NVL: variants seen among roughly 807,000 people sequenced by gnomAD.
NVL encodes the protein nuclear VCP like.
NVL carries 84 observed loss-of-function variants against 110.2 expected under a neutral mutation model. The ratio of observed to expected loss-of-function variants is 0.76; its 90% CI spans 0.64 to 0.91. NVL has a LOEUF of 0.91. NVL is among the 40% of genes least tolerant of loss of function. NVL has a pLI of 0.00. For missense variants in NVL, 882 were observed against 1,035.9 expected (o/e 0.85, Z 2.04); for synonymous variants, 354 against 361.1 (o/e 0.98, Z 0.22).
intron 18 of NVL, among the ~76,000 whole-genome samples, chr1:224,261,460 A>C (rs1433851777): frequency 6.6e-6 from 1 of 152,220 alleles, no homozygotes; most frequent in African/African-American, 2.4e-5. Flanking sequence ...AAACAGCTAG[A>C]TAATAGATTA....
chr1:224,262,142 G>T (rs1185843971), intron 18 of NVL, among the ~76,000 whole-genome samples: 1 of 151,998 alleles, frequency 6.6e-6, no homozygotes, highest in Non-Finnish European at 1.5e-5. Flanking sequence ...ACATTTAGGA[G>T]ATCAGTCCAG....
At chr1:224,322,273 A>G (rs1253972742) in intron 2 of NVL, among the ~76,000 whole-genome samples, 2 of 146,476 alleles carry the variant, frequency 1.4e-5, no homozygotes, top group Non-Finnish European at 3.0e-5. Flanking sequence ...TGGTAGAGAC[A>G]GAATCTTGCT....
At chr1:224,269,084 C>CTT (rs34790130) in intron 17 of NVL, among the ~76,000 whole-genome samples, 12 of 97,932 alleles carry the variant, frequency 1.2e-4, no homozygotes, top group African/African-American at 4.5e-4. Flanking sequence ...GTGAGACTAA[C>CTT]TTTTTTTTTT....
intron 19 of NVL, among the ~76,000 whole-genome samples, chr1:224,245,074 G>A (rs769958127): frequency 6.4e-4 from 98 of 152,108 alleles, no homozygotes; most frequent in Middle Eastern, 3.2e-3. Flanking sequence ...TTAAGAACAG[G>A]ACTAAAGATC....
intron 19 of NVL, among the ~76,000 whole-genome samples, chr1:224,241,870 T>A (rs34251261): frequency 4.1e-5 from 6 of 146,794 alleles, no homozygotes; most frequent in African/African-American, 1.5e-4. Flanking sequence ...AAAAAAAAAA[T>A]AAAAAGAAAA....
chr1:224,262,329 G>A (rs562253019), intron 18 of NVL, among the ~76,000 whole-genome samples: 1 of 152,122 alleles, frequency 6.6e-6, no homozygotes, highest in South Asian at 2.1e-4. Flanking sequence ...ATCAAAATTA[G>A]GGTGGAATAA....
intron 1 of NVL, among the ~76,000 whole-genome samples, chr1:224,328,820 AT>A (rs1671403873): frequency 6.6e-6 from 1 of 152,192 alleles, no homozygotes; most frequent in South Asian, 2.1e-4. Flanking sequence ...CCACTTGGCC[AT>A]TTTAATTTGG....
Position 224,276,938 on chromosome 1 carries a change from CATAAA to C in NVL, c.1963-1485_1963-1481del, listed in dbSNP as rs536802529. On this transcript the variant is annotated intron_variant, in intron 16 of 22. Transcript: ENST00000281701. ...GACACATAAAACTAGTTTTATGACA[CATAAA>C]ACTAGTTTTATGACACATAAAACTA... is the stretch of plus-strand genomic sequence containing the variant. Among the ~76,000 whole-genome samples, 130 of 39,856 alleles carry C rather than the reference CATAAA, an allele frequency of 3.3e-3. 1 individual carries two copies. The highest frequency in any genetic ancestry group is 3.7e-3 in the Admixed American group (16 of 4,382). 26.1% of individuals were successfully genotyped at this position (39,856 alleles called of 152,430 possible).
intron 20 of NVL, among the ~76,000 whole-genome samples, chr1:224,235,547 C>T (rs1228594489): frequency 6.6e-6 from 1 of 151,870 alleles, no homozygotes; most frequent in African/African-American, 2.4e-5. Flanking sequence ...GAGGTAGAGG[C>T]ATTTACATCT....
In NVL at chr1:224,330,128, C is replaced by T; in HGVS notation, c.-1G>A. On this transcript the variant is annotated 5_prime_UTR_variant, in exon 1 of 23. Transcript: ENST00000281701. ...CGAACCCTGCAGGTCTGGGCTTCAT[C>T]GCGTCGGTCTTCCAAGCCACAGCTC... The T allele has an allele frequency of 6.2e-7, 1 of 1,614,022 alleles. No homozygotes were observed. The highest frequency in any genetic ancestry group is 8.5e-7 in the Non-Finnish European group (1 of 1,179,918).
chr1:224,305,017 C>T lies in NVL; in HGVS notation c.748+17G>A, dbSNP rs745937971. On this transcript the variant is annotated intron_variant, in intron 7 of 22. Coordinates refer to ENST00000281701, the MANE Select transcript of NVL (RefSeq NM_002533.4). The stretch of plus-strand genomic sequence containing the variant: ...CTGCAAACATGACCACTGCCACCAA[C>T]AAGACTCACACCTTACCTTTCTTTT... The T allele has an allele frequency of 5.6e-6, 9 of 1,610,724 alleles. No individual in the cohort carries two copies. In the African/African-American group the frequency reaches 1.1e-4, roughly 19 times the overall value.
chr1:224,291,508 C>A (rs1667374968), intron 12 of NVL, among the ~76,000 whole-genome samples: 1 of 152,078 alleles, frequency 6.6e-6, no homozygotes, highest in South Asian at 2.1e-4. Flanking sequence ...CATTTGGGAT[C>A]ATATAAGTGA....
rs147934124 is a variant in NVL at position 224,270,490 on chromosome 1, G to A, written c.2083-2357C>T. Among the ~76,000 whole-genome samples, 201 of 152,222 alleles carry A rather than the reference G, an allele frequency of 1.3e-3. 4 individuals are homozygous for A. In the East Asian group the frequency reaches 0.031, roughly 24 times the overall value. On this transcript the variant is annotated intron_variant, in intron 17 of 22. Transcript: ENST00000281701. ...GAAGAATTGCTTGAACCCGGGAGGC[G>A]GAGGCTGCAGTAAGCCAAGATTGCA...
intron 5 of NVL, among the ~76,000 whole-genome samples, chr1:224,311,119 G>A (rs1669478334): frequency 6.6e-6 from 1 of 151,966 alleles, no homozygotes; most frequent in Admixed American, 6.6e-5. Context: ...GTGCAGTAGT[G>A]CAATCCCAGC....
intron 17 of NVL, among the ~76,000 whole-genome samples, chr1:224,274,058 A>ACACACACACACACACACACACACACC (rs569757319): frequency 6.6e-6 from 1 of 151,454 alleles, no homozygotes; most frequent in African/African-American, 2.4e-5. Flanking sequence ...ACACACACAC[A>ACACACACACACACACACACACACACC]CCCATATTGA....
At chr1:224,303,220 A>C (rs1297046862) in intron 9 of NVL, among the ~76,000 whole-genome samples, 1 of 152,116 alleles carries the variant, frequency 6.6e-6, no homozygotes, top group Non-Finnish European at 1.5e-5. Context: ...GGACTGCCTG[A>C]CCTCAGGAGC....
chr1:224,326,613 ATAAT>A (rs1296052220), intron 1 of NVL, 149 bp from the exon 2 acceptor site: 3 of 569,788 alleles, frequency 5.3e-6, no homozygotes, highest in Non-Finnish European at 9.3e-6. Context: ...AAGTAACCAA[ATAAT>A]TGTCAAATAT....
chr1:224,313,364 A>G (rs1225204529), intron 4 of NVL, among the ~76,000 whole-genome samples: 1 of 152,072 alleles, frequency 6.6e-6, no homozygotes, highest in East Asian at 1.9e-4. Flanking sequence ...GAAAGAAGAA[A>G]AAAGTGTAAG....
intron 20 of NVL, among the ~76,000 whole-genome samples, chr1:224,235,218 A>G (rs921404150): frequency 1.3e-5 from 2 of 151,932 alleles, no homozygotes; most frequent in African/African-American, 4.8e-5. Flanking sequence ...CCCAGCCTGG[A>G]GTGCAGTGAC....
Sources: allele counts gnomAD v4.1 joint callset (sites outside exome capture counted in the v4.1 genomes callset), GRCh38; gene constraint gnomAD v4.1.1; transcripts MANE v1.5; gene names NCBI Gene and HGNC (gene_info 2026-07-23, HGNC 2026-07-21).